The following CADPS variants were observed in gnomAD, a reference collection of about 807,000 sequenced individuals.
The protein encoded by CADPS is calcium dependent secretion activator, also known as calcium-dependent secretion activator 1.
In CADPS, 57 loss-of-function variants were observed where a neutral mutation model predicts 167.3. The ratio of observed to expected loss-of-function variants is 0.34; its 90% confidence interval spans 0.28 to 0.42. The LOEUF (loss-of-function observed/expected upper bound fraction) is 0.42. Ranked by LOEUF, CADPS falls within the 20% of genes least tolerant of loss-of-function variation. The pLI, the probability that CADPS is intolerant of heterozygous loss-of-function variation, is 1.00. For synonymous variants in CADPS, 676 were observed against 635.3 expected (o/e 1.06, Z -0.96); for missense variants, 1,414 against 1,738.1 (o/e 0.81, Z 3.32).
At chr3:62,646,607 C>G (rs2068650591) in intron 5 of CADPS, among the ~76,000 whole-genome samples, 1 of 152,168 alleles carries the variant, frequency 6.6e-6, no homozygotes, top group Non-Finnish European at 1.5e-5. Flanking sequence ...AAGTACTATT[C>G]AGCATTAGAT....
At chr3:62,859,780 C>G (rs2080425505) in intron 1 of CADPS, among the ~76,000 whole-genome samples, 1 of 152,156 alleles carries the variant, frequency 6.6e-6, no homozygotes, top group Admixed American at 6.6e-5. Flanking sequence ...AAATCATGTC[C>G]TTTGCAAATG....
intron 6 of CADPS, among the ~76,000 whole-genome samples, chr3:62,615,309 T>A (rs2062085981): frequency 6.6e-6 from 1 of 152,086 alleles, no homozygotes; most frequent in African/African-American, 2.4e-5. Flanking sequence ...ATTGGAACAG[T>A]GACTATTGGA....
intron 1 of CADPS, among the ~76,000 whole-genome samples, chr3:62,847,256 ATTTTCTTTTTT>A (rs2077621262): frequency 1.0e-5 from 1 of 96,916 alleles, no homozygotes; most frequent in Non-Finnish European, 2.3e-5. Flanking sequence ...TCCCAGCAGC[ATTTTCTTTTTT>A]TTTTTTTTTT....
intron 3 of CADPS, among the ~76,000 whole-genome samples, chr3:62,705,203 G>A (rs1024158533): frequency 6.6e-6 from 1 of 152,084 alleles, no homozygotes; most frequent in Admixed American, 6.6e-5. Context: ...TCTAATTGAA[G>A]AAACCAAACA....
At chr3:62,472,461 A>G (rs936699593) in intron 24 of CADPS, among the ~76,000 whole-genome samples, 1 of 152,206 alleles carries the variant, frequency 6.6e-6, no homozygotes, top group Non-Finnish European at 1.5e-5. Context: ...TGAGATCACC[A>G]AAAACAGGGC....
At chr3:62,554,510 GGA>G (rs1482252077) in intron 10 of CADPS, among the ~76,000 whole-genome samples, 1 of 152,114 alleles carries the variant, frequency 6.6e-6, no homozygotes, top group East Asian at 1.9e-4. Context: ...AGAGAAAGAG[GGA>G]GAGAGGTAGA....
At chr3:62,846,582 AT>A (rs2077472274) in intron 1 of CADPS, among the ~76,000 whole-genome samples, 1 of 152,140 alleles carries the variant, frequency 6.6e-6, no homozygotes, top group Admixed American at 6.6e-5. Flanking sequence ...TGATTAATCA[AT>A]TTGCAAAATA....
intron 12 of CADPS, among the ~76,000 whole-genome samples, chr3:62,533,510 G>A (rs967224358): frequency 4.6e-5 from 7 of 152,258 alleles, no homozygotes; most frequent in Non-Finnish European, 1.0e-4. Context: ...ACTTTCAGTT[G>A]AGCCCTATAG....
intron 6 of CADPS, among the ~76,000 whole-genome samples, chr3:62,637,871 G>A (rs2066610103): frequency 6.6e-6 from 1 of 151,932 alleles, no homozygotes; most frequent in Non-Finnish European, 1.5e-5. Flanking sequence ...CATAGGTTAT[G>A]GTAGGGCATT....
intron 2 of CADPS, among the ~76,000 whole-genome samples, chr3:62,765,037 G>T (rs1037758657): frequency 6.6e-6 from 1 of 152,120 alleles, no homozygotes; most frequent in Admixed American, 6.6e-5. Flanking sequence ...CAAACACAGA[G>T]AGTATTTACC....
At chr3:62,626,430 G>T (rs1457575410) in intron 6 of CADPS, 11 of 692,538 alleles carry the variant, frequency 1.6e-5, no homozygotes, top group African/African-American at 3.5e-5. Flanking sequence ...AGACTATAGT[G>T]AAATTATTCA....
Position 62,557,445 on chromosome 3 carries a change from T to C in CADPS, c.1713A>G (p.Gln571=). ...EKKAEPQELL[Q]LDGYTVDYTD... The stretch of plus-strand genomic sequence containing the variant: ...TGTAATCCACAGTGTAGCCATCCAA[T>C]TGTAGAAGTTCCTGAGGCTCCGCTT... Residue 571 remains glutamine, a synonymous_variant, in exon 10 of 30, where the codon CAA becomes CAG. Coordinates refer to ENST00000383710, the MANE Select transcript of CADPS (RefSeq NM_003716.4). The C allele has an allele frequency of 6.2e-7, 1 of 1,614,084 alleles. No homozygotes were observed. Among genetic ancestry groups the C allele is most frequent in the South Asian group, 1.1e-5 (1 of 91,074 alleles).
intron 6 of CADPS, among the ~76,000 whole-genome samples, chr3:62,623,938 A>AT (rs35833859): frequency 0.31 from 45,118 of 144,204 alleles, 7,143 homozygotes; most frequent in East Asian, 0.56. Context: ...TCTGTTGACA[A>AT]TTTTTTTTTT....
chr3:62,736,740 T>C (rs1456120141), intron 3 of CADPS, among the ~76,000 whole-genome samples: 1 of 152,206 alleles, frequency 6.6e-6, no homozygotes, highest in Non-Finnish European at 1.5e-5. Flanking sequence ...TCCTTATTTC[T>C]TTCTAGTGGA....
At chr3:62,643,767 C>G (rs1391074592) in intron 6 of CADPS, among the ~76,000 whole-genome samples, 4 of 152,154 alleles carry the variant, frequency 2.6e-5, no homozygotes, top group Non-Finnish European at 5.9e-5. Context: ...ATATTGGGCC[C>G]AGCATCTTAA....
chr3:62,705,563 C>A (rs116756144), intron 3 of CADPS, among the ~76,000 whole-genome samples: 11,294 of 152,166 alleles, frequency 0.074, 508 homozygotes, highest in South Asian at 0.16. Flanking sequence ...ACAATAGAAT[C>A]AGCTGCCAGT....
At chr3:62,724,257 T>G (rs1358783882) in intron 3 of CADPS, among the ~76,000 whole-genome samples, 1 of 152,284 alleles carries the variant, frequency 6.6e-6, no homozygotes, top group East Asian at 1.9e-4. Context: ...GATTTTTTCC[T>G]CATCCACATG....
At chr3:62,524,474 T>C (rs1174575011) in intron 13 of CADPS, among the ~76,000 whole-genome samples, 1 of 152,168 alleles carries the variant, frequency 6.6e-6, no homozygotes, top group Non-Finnish European at 1.5e-5. Context: ...AAGAATAAGA[T>C]AGGAAGCAAC....
chr3:62,822,793 G>A (rs2073237115), intron 1 of CADPS, among the ~76,000 whole-genome samples: 1 of 152,084 alleles, frequency 6.6e-6, no homozygotes. Flanking sequence ...AGTGAGCCAA[G>A]ATCGCACCAC....
Sources: gnomAD v4.1 joint callset for allele counts (sites outside exome capture counted in the v4.1 genomes callset) on GRCh38, gnomAD v4.1.1 for gene constraint, MANE v1.5 for transcripts, NCBI Gene and HGNC (gene_info 2026-07-23, HGNC 2026-07-21) for gene names.